OSBPL8: variants seen among roughly 807,000 people sequenced by gnomAD.
The protein encoded by OSBPL8 is oxysterol-binding protein-related protein 8.
In OSBPL8, 59 loss-of-function variants were observed where a neutral mutation model predicts 125.5. That is an observed-to-expected ratio of 0.47 (90% CI 0.38 to 0.58). The LOEUF is 0.58. OSBPL8 is among the 20% of genes least tolerant of loss of function. The probability of loss-of-function intolerance (pLI) is 0.00; values close to 1 mark genes in which losing one functional copy is unlikely to be tolerated. For missense variants in OSBPL8, 758 were observed against 1,047.8 expected (o/e 0.72, Z 3.82); for synonymous variants, 330 against 338.9 (o/e 0.97, Z 0.29).
Position 76,378,563 on chromosome 12 carries a change from GTTGT to G in OSBPL8, c.1631-17_1631-14del, listed in dbSNP as rs754393881. 33 of 1,540,392 alleles carry G rather than the reference GTTGT, an allele frequency of 2.1e-5. No homozygotes were observed. The highest frequency in any genetic ancestry group is 2.7e-5 in the Non-Finnish European group (30 of 1,126,890). ...GATAATGAGTTTCCTGAAATAAAATGTTGTTTATTAAATTTCACAAAACTTATTC... is the reference window on the plus strand; with the variant it reads ...GATAATGAGTTTCCTGAAATAAAATGTTATTAAATTTCACAAAACTTATTC... On this transcript the variant is annotated splice_polypyrimidine_tract_variant and intron_variant, in intron 15 of 23. Transcript: ENST00000261183.
At chr12:76,440,205 C>T (rs1592686420) in intron 4 of OSBPL8, among the ~76,000 whole-genome samples, 1 of 152,122 alleles carries the variant, frequency 6.6e-6, no homozygotes, top group African/African-American at 2.4e-5. Flanking sequence ...TTTCATTCTG[C>T]AACTGATAGT....
Position 76,362,783 on chromosome 12 carries a change from C to T in OSBPL8, c.2329-3972G>A, listed in dbSNP as rs765137764. Among the ~76,000 whole-genome samples, 29 of 152,264 alleles carry T rather than the reference C, an allele frequency of 1.9e-4. 1 individual carries two copies. The highest frequency in any genetic ancestry group is 4.1e-4 in the South Asian group (2 of 4,828). ...GACATGACTGTATATTTAGAAAACCCCATCGTCTCAGCCCAAAATCTCCTT... is the reference window on the plus strand; with the variant it reads ...GACATGACTGTATATTTAGAAAACCTCATCGTCTCAGCCCAAAATCTCCTT... On this transcript the variant is annotated intron_variant, in intron 21 of 23. Coordinates refer to ENST00000261183, the MANE Select transcript of OSBPL8 (RefSeq NM_020841.5).
intron 1 of OSBPL8, among the ~76,000 whole-genome samples, chr12:76,514,774 C>T (rs879706282): frequency 6.6e-6 from 1 of 152,184 alleles, no homozygotes; most frequent in African/African-American, 2.4e-5. Flanking sequence ...TCCCTCCCTC[C>T]CTTTCAAAGA....
intron 1 of OSBPL8, among the ~76,000 whole-genome samples, chr12:76,527,479 G>A (rs1197005555): frequency 6.6e-6 from 1 of 152,128 alleles, no homozygotes; most frequent in Non-Finnish European, 1.5e-5. Flanking sequence ...ATCTTTTGAT[G>A]GAAAGCCTTA....
At chr12:76,507,787 G>T (rs1003586986) in intron 1 of OSBPL8, among the ~76,000 whole-genome samples, 1 of 151,606 alleles carries the variant, frequency 6.6e-6, no homozygotes, top group Non-Finnish European at 1.5e-5. Context: ...TCATGCCATT[G>T]CTCTTCAGCC....
In OSBPL8 at chr12:76,369,835, C is replaced by T. The variant is rs188263915; in HGVS notation, c.2055-13G>A. ...CCGTTGCCAGAGTCTAATACATGTG[C>T]GAAAATATTAAAAGTATTAAAAATG... is the stretch of plus-strand genomic sequence containing the variant. On this transcript the variant is annotated splice_polypyrimidine_tract_variant and intron_variant, in intron 19 of 23. Transcript: ENST00000261183. The T allele has an allele frequency of 7.1e-5, 112 of 1,582,216 alleles. No homozygotes were observed. Among genetic ancestry groups the T allele is most frequent in the South Asian group, 5.9e-4 (50 of 85,252 alleles).
chr12:76,474,974 G>A (rs1876622988), intron 2 of OSBPL8, among the ~76,000 whole-genome samples: 1 of 152,078 alleles, frequency 6.6e-6, no homozygotes, highest in African/African-American at 2.4e-5. Context: ...GCTGAGGTAC[G>A]GATAAAAATC....
chr12:76,356,968 T>G (rs1952010462), intron 22 of OSBPL8, among the ~76,000 whole-genome samples: 2 of 152,194 alleles, frequency 1.3e-5, no homozygotes, highest in South Asian at 4.1e-4. Context: ...TTTTTTTAAC[T>G]AATTAAAACA....
intron 1 of OSBPL8, among the ~76,000 whole-genome samples, chr12:76,519,093 C>T (rs1881826153): frequency 6.6e-6 from 1 of 152,146 alleles, no homozygotes; most frequent in Admixed American, 6.5e-5. Context: ...GCTCTGCTAC[C>T]CTTTAAGATA....
intron 16 of OSBPL8, among the ~76,000 whole-genome samples, chr12:76,375,799 TGTGCTTTTCACTG>T (rs1260222534): frequency 3.9e-5 from 6 of 152,142 alleles, no homozygotes; most frequent in African/African-American, 1.4e-4. Context: ...TTTCACATTT[TGTGCTTTTCACTG>T]GTGGTTTTGC....
chr12:76,475,533 T>G (rs1876697754), intron 2 of OSBPL8, among the ~76,000 whole-genome samples: 1 of 152,240 alleles, frequency 6.6e-6, no homozygotes, highest in African/African-American at 2.4e-5. Context: ...GACAAAGATC[T>G]TAATATGAAT....
chr12:76,459,960 T>A, intron 2 of OSBPL8, 65 bp from the exon 3 acceptor site: 3 of 1,530,718 alleles, frequency 2.0e-6, no homozygotes, highest in Non-Finnish European at 2.7e-6. Flanking sequence ...GCAAAATGCA[T>A]CAGGACGGAA....
intron 1 of OSBPL8, among the ~76,000 whole-genome samples, chr12:76,501,668 C>T (rs1299452311): frequency 3.3e-5 from 5 of 152,196 alleles, no homozygotes; most frequent in Non-Finnish European, 7.3e-5. Flanking sequence ...ATGCATGGCT[C>T]AGCAACATGG....
At chr12:76,373,081 A>G (rs1387829123) in intron 18 of OSBPL8, among the ~76,000 whole-genome samples, 2 of 152,212 alleles carry the variant, frequency 1.3e-5, no homozygotes, top group Admixed American at 1.3e-4. Context: ...AAATCAGTTA[A>G]TATGAGTAAC....
intron 2 of OSBPL8, among the ~76,000 whole-genome samples, chr12:76,472,730 A>G (rs1876312060): frequency 6.6e-6 from 1 of 152,180 alleles, no homozygotes; most frequent in African/African-American, 2.4e-5. Context: ...GACTTTTAGT[A>G]TTTTCACTAA....
chr12:76,499,347 T>TATCTATCTATCA, intron 1 of OSBPL8, among the ~76,000 whole-genome samples: 1 of 107,752 alleles, frequency 9.3e-6, no homozygotes, highest in South Asian at 2.8e-4. Context: ...TCTATCTATC[T>TATCTATCTATCA]ATCATCTATC....
intron 1 of OSBPL8, among the ~76,000 whole-genome samples, chr12:76,548,972 A>G (rs1950862164): frequency 6.6e-6 from 1 of 152,204 alleles, no homozygotes; most frequent in African/African-American, 2.4e-5. Context: ...GTATCTTTAA[A>G]AAAATCTAAT....
chr12:76,384,285 G>A lies in OSBPL8; in HGVS notation c.1599C>T (p.Ser533=), dbSNP rs146576244. ...ACTTAGACTTAGCCAGGATACTACCGCTAAGGCAAAATCCATCTTTTCGAT... is the reference window on the plus strand; with the variant it reads ...ACTTAGACTTAGCCAGGATACTACCACTAAGGCAAAATCCATCTTTTCGAT... ...VSNRKDGFCL[S]GSILAKSKFY... is the part of the protein sequence containing the mutation. The change falls in exon 15 of 24, where the codon AGC becomes AGT. Residue 533 remains serine (S), a synonymous_variant. Transcript: ENST00000261183. 44 of 1,564,206 alleles carry A rather than the reference G, an allele frequency of 2.8e-5. No individual in the cohort carries two copies. The African/African-American group carries it at 3.9e-4, about 14-fold the overall frequency.
At chr12:76,517,388 T>C (rs551237168) in intron 1 of OSBPL8, among the ~76,000 whole-genome samples, 10 of 152,286 alleles carry the variant, frequency 6.6e-5, no homozygotes, top group Middle Eastern at 3.4e-3. Flanking sequence ...GATAAACTAA[T>C]AGTGTTTCAT....
Sources: gnomAD v4.1 joint callset for allele counts (sites outside exome capture counted in the v4.1 genomes callset) on GRCh38, gnomAD v4.1.1 for gene constraint, MANE v1.5 for transcripts, NCBI Gene and HGNC (gene_info 2026-07-23, HGNC 2026-07-21) for gene names.